Variants in EPSTI1 observed in about 807,000 individuals in gnomAD.
The protein encoded by EPSTI1 is epithelial stromal interaction 1, also known as epithelial-stromal interaction protein 1.
EPSTI1 carries 66 observed loss-of-function variants against 49.9 expected under a neutral mutation model. The ratio of observed to expected loss-of-function variants is 1.32; its 90% CI spans 1.08 to 1.62. EPSTI1 has a LOEUF of 1.62. Ranked by LOEUF, EPSTI1 falls within the 40% of genes most tolerant of loss-of-function variation. The pLI is 0.00. For missense variants in EPSTI1, 394 were observed against 365.5 expected (o/e 1.08, Z -0.64); for synonymous variants, 137 against 130.7 (o/e 1.05, Z -0.33).
In EPSTI1 at chr13:42,980,070, A is replaced by C. The variant is rs77694269; in HGVS notation, c.189-9400T>G. Among the ~76,000 whole-genome samples, 83 of 152,198 alleles carry C rather than the reference A, an allele frequency of 5.5e-4. 2 individuals are homozygous for C. The East Asian group carries it at 0.016, about 29-fold the overall frequency. ...GAGTTCAGGTAACTTTTCTTATAGAATGCTTCACAATCTGGATGTAAGGAA... is the reference window on the plus strand; with the variant it reads ...GAGTTCAGGTAACTTTTCTTATAGACTGCTTCACAATCTGGATGTAAGGAA... On this transcript the variant is annotated intron_variant, in intron 1 of 10. Coordinates refer to ENST00000313624, the MANE Select transcript of EPSTI1 (RefSeq NM_033255.5).
chr13:42,984,517 T>C lies in EPSTI1; in HGVS notation c.188+7461A>G, dbSNP rs552919869. Reference sequence around the variant, plus strand: ...GTTCTGTCTCAGACATAAGAAACCATACTTCAGGATTGCAGAAAATAGACA... The same window carrying C: ...GTTCTGTCTCAGACATAAGAAACCACACTTCAGGATTGCAGAAAATAGACA... On this transcript the variant is annotated intron_variant, in intron 1 of 10. Transcript: ENST00000313624. 2.0e-5 allele frequency among the ~76,000 whole-genome samples: 3 copies of C among 152,376 alleles called. No individual in the cohort carries two copies. The East Asian group carries it at 5.8e-4, about 29-fold the overall frequency.
intron 2 of EPSTI1, chr13:42,969,756 C>A (rs780787864): frequency 6.6e-6 from 1 of 152,382 alleles, no homozygotes; most frequent in African/African-American, 2.4e-5. Flanking sequence ...TCACTCTGCA[C>A]GACAGCAGGG....
chr13:42,889,324 AC>A (rs2036961821), intron 10 of EPSTI1: 1 of 865,458 alleles, frequency 1.2e-6, no homozygotes, highest in Middle Eastern at 3.6e-4. Context: ...ATATGAGAAG[AC>A]TGATTTAAAT....
At chr13:42,947,713 T>A (rs911968567) in intron 6 of EPSTI1, among the ~76,000 whole-genome samples, 3 of 152,210 alleles carry the variant, frequency 2.0e-5, no homozygotes, top group African/African-American at 7.2e-5. Context: ...GTTTTTCCTA[T>A]GACGTACACA....
rs1007149016 is a variant in EPSTI1 at position 42,888,025 on chromosome 13, A to C, written c.*469T>G. On this transcript the variant is annotated 3_prime_UTR_variant, in exon 11 of 11. Coordinates refer to ENST00000313624, the MANE Select transcript of EPSTI1 (RefSeq NM_033255.5). The stretch of plus-strand genomic sequence containing the variant: ...AAAATTTATTTATAAATTTGTGTAA[A>C]AGAATATAAGACCTTTTTCTTTTGT... The C allele has an allele frequency of 5.4e-6, 2 of 370,316 alleles. No individual in the cohort carries two copies. Among genetic ancestry groups the C allele is most frequent in the Non-Finnish European group, 9.6e-6 (2 of 209,100 alleles). The allele number at this position is 370,316 out of a possible 1,614,324, so 22.9% of individuals were successfully genotyped here.
chr13:42,923,663 A>G (rs961364152), intron 7 of EPSTI1, among the ~76,000 whole-genome samples: 5 of 152,254 alleles, frequency 3.3e-5, no homozygotes, highest in African/African-American at 1.2e-4. Flanking sequence ...GGAAGGTCTG[A>G]TGATGCTGGT....
intron 10 of EPSTI1, among the ~76,000 whole-genome samples, chr13:42,891,478 A>G (rs1168273717): frequency 6.6e-6 from 1 of 152,166 alleles, no homozygotes; most frequent in Non-Finnish European, 1.5e-5. Context: ...TATATTGTCA[A>G]TATTTTAGGA....
intron 1 of EPSTI1, among the ~76,000 whole-genome samples, chr13:42,987,446 C>A (rs750139452): frequency 6.6e-6 from 1 of 152,138 alleles, no homozygotes; most frequent in Non-Finnish European, 1.5e-5. Flanking sequence ...CCAGCTGAGA[C>A]CCCAGCTTTC....
intron 1 of EPSTI1, among the ~76,000 whole-genome samples, chr13:42,979,945 T>C (rs1312140234): frequency 6.6e-6 from 1 of 152,188 alleles, no homozygotes; most frequent in Non-Finnish European, 1.5e-5. Context: ...CAATTATGGA[T>C]TACACATTTC....
intron 2 of EPSTI1, chr13:42,970,282 C>G (rs946707379): frequency 1.0e-5 from 2 of 195,814 alleles, no homozygotes; most frequent in Non-Finnish European, 2.1e-5. Flanking sequence ...ATGTTATGTA[C>G]GCATTAAGTA....
At position 42,926,435 on chromosome 13, in the gene EPSTI1, A is replaced by G; in HGVS notation, c.564-6T>C. On this transcript the variant is annotated splice_polypyrimidine_tract_variant and splice_region_variant and intron_variant, in intron 6 of 10. Coordinates refer to ENST00000313624, the MANE Select transcript of EPSTI1 (RefSeq NM_033255.5). ...TCAAGAACTCAGCGGTTTTGCTACCAGAAACACAAACAGGTGTTAGTGCCT... is the reference window on the plus strand; with the variant it reads ...TCAAGAACTCAGCGGTTTTGCTACCGGAAACACAAACAGGTGTTAGTGCCT... The G allele has an allele frequency of 6.3e-7, 1 of 1,581,350 alleles. No homozygotes were observed. Among genetic ancestry groups the G allele is most frequent in the Non-Finnish European group, 8.7e-7 (1 of 1,150,154 alleles).
chr13:42,965,481 C>T (rs1051749864), intron 3 of EPSTI1, among the ~76,000 whole-genome samples: 1 of 152,148 alleles, frequency 6.6e-6, no homozygotes, highest in African/African-American at 2.4e-5. Context: ...AAAGCAGGAT[C>T]TGCAAGGAGG....
At chr13:42,940,809 C>T (rs538878797) in intron 6 of EPSTI1, among the ~76,000 whole-genome samples, 2 of 152,314 alleles carry the variant, frequency 1.3e-5, no homozygotes, top group Admixed American at 6.5e-5. Context: ...GATATTTTTG[C>T]CACTGAAATA....
intron 1 of EPSTI1, among the ~76,000 whole-genome samples, chr13:42,982,116 C>G (rs1189618746): frequency 2.6e-5 from 4 of 152,142 alleles, no homozygotes; most frequent in Non-Finnish European, 5.9e-5. Context: ...CATTCTAAGT[C>G]ACAGGATGAG....
intron 6 of EPSTI1, among the ~76,000 whole-genome samples, chr13:42,953,272 G>A (rs551760659): frequency 5.4e-5 from 8 of 148,594 alleles, no homozygotes; most frequent in African/African-American, 2.0e-4. Context: ...AAAAAACACT[G>A]ACATTCAAAG....
At chr13:42,943,964 A>G (rs2038842654) in intron 6 of EPSTI1, among the ~76,000 whole-genome samples, 1 of 152,228 alleles carries the variant, frequency 6.6e-6, no homozygotes, top group Non-Finnish European at 1.5e-5. Context: ...CAAAATCACA[A>G]TGAGATACCA....
At chr13:42,990,766 G>T (rs1387934672) in intron 1 of EPSTI1, among the ~76,000 whole-genome samples, 1 of 152,080 alleles carries the variant, frequency 6.6e-6, no homozygotes, top group Admixed American at 6.5e-5. Context: ...ACTGTTTATC[G>T]GCCATAAGGT....
intron 5 of EPSTI1, among the ~76,000 whole-genome samples, chr13:42,956,162 CA>C (rs1396395108): frequency 2.6e-5 from 4 of 152,148 alleles, no homozygotes; most frequent in Non-Finnish European, 5.9e-5. Context: ...GAAATGCTCT[CA>C]AAAGTTCCAC....
At chr13:42,962,789 A>G (rs555870773) in intron 5 of EPSTI1, among the ~76,000 whole-genome samples, 1 of 152,164 alleles carries the variant, frequency 6.6e-6, no homozygotes, top group Non-Finnish European at 1.5e-5. Flanking sequence ...CAAAAAAAAA[A>G]GAAAGGAAAC....
Sources: gnomAD v4.1 joint callset for allele counts (sites outside exome capture counted in the v4.1 genomes callset) on GRCh38, gnomAD v4.1.1 for gene constraint, MANE v1.5 for transcripts, NCBI Gene and HGNC (gene_info 2026-07-23, HGNC 2026-07-21) for gene names.